The following GNG12 variants were observed in gnomAD, a reference collection of about 807,000 sequenced individuals.
GNG12 encodes guanine nucleotide-binding protein G(I)/G(S)/G(O) subunit gamma-12.
For synonymous variants in GNG12, 28 were observed against 29.7 expected (o/e 0.94, Z 0.19); for missense variants, 69 against 83.8 (o/e 0.82, Z 0.69).
rs12092815 is a variant in GNG12, at chr1:67,713,567, C to G, written c.-26-5855G>C. Among the ~76,000 whole-genome samples, 490 of 152,238 alleles carry G rather than the reference C, an allele frequency of 3.2e-3. 3 individuals are homozygous for G. The highest frequency in any genetic ancestry group is 0.011 in the African/African-American group (462 of 41,538). On this transcript the variant is annotated intron_variant, in intron 2 of 3. Coordinates refer to ENST00000370982, the MANE Select transcript of GNG12 (RefSeq NM_018841.6). ...GAAGCCCCAGGGTCTGAATCACAAG[C>G]CATTATGGCCTGGCCAGTAATTGAA... is the stretch of plus-strand genomic sequence containing the variant.
At chr1:67,723,535 T>C (rs1646368041) in intron 2 of GNG12, among the ~76,000 whole-genome samples, 1 of 152,236 alleles carries the variant, frequency 6.6e-6, no homozygotes. Context: ...CTGGTAGTTG[T>C]GAGTTTTTCA....
intron 2 of GNG12, among the ~76,000 whole-genome samples, chr1:67,759,273 G>A (rs529848068): frequency 1.3e-5 from 2 of 152,354 alleles, no homozygotes; most frequent in East Asian, 3.9e-4. Context: ...TTGGGTGGGA[G>A]GAGTGTCAAG....
chr1:67,829,737 A>G (rs973516436), intron 1 of GNG12, among the ~76,000 whole-genome samples: 1 of 152,232 alleles, frequency 6.6e-6, no homozygotes, highest in Non-Finnish European at 1.5e-5. Context: ...TAGGAGTGAA[A>G]CGAATCAATA....
rs770377785 is a variant in GNG12 at position 67,707,618 on chromosome 1, T to C, written c.69A>G (p.Leu23=). 4 of 1,599,254 alleles carry C rather than the reference T, an allele frequency of 2.5e-6. No individual in the cohort carries two copies. The highest frequency in any genetic ancestry group is 1.7e-5 in the Admixed American group (1 of 58,668). Residue 23 remains leucine (L), a synonymous_variant, in exon 3 of 4, where the codon TTA becomes TTG. Transcript: ENST00000370982. Reference sequence around the variant, plus strand: ...CCTTTATTCTTTCAATGGAGGCTTCTAATCTTAACTGCTGCACAGTTCTCC... The same window carrying C: ...CCTTTATTCTTTCAATGGAGGCTTCCAATCTTAACTGCTGCACAGTTCTCC... ...QARRTVQQLR[L]EASIERIKVS...
At chr1:67,758,873 T>C (rs1317228653) in intron 2 of GNG12, among the ~76,000 whole-genome samples, 2 of 152,056 alleles carry the variant, frequency 1.3e-5, no homozygotes, top group Non-Finnish European at 2.9e-5. Context: ...GAATGGTGGT[T>C]ACCAGAGGCT....
At chr1:67,809,370 AGG>A (rs1400516395) in intron 1 of GNG12, among the ~76,000 whole-genome samples, 1 of 152,182 alleles carries the variant, frequency 6.6e-6, no homozygotes, top group African/African-American at 2.4e-5. Flanking sequence ...TAGATGACCA[AGG>A]GTATGGCAAT....
chr1:67,810,555 C>A (rs1273699863), intron 1 of GNG12, among the ~76,000 whole-genome samples: 1 of 152,040 alleles, frequency 6.6e-6, no homozygotes, highest in African/African-American at 2.4e-5. Context: ...CTGCTGTGAA[C>A]CTAAAACTGC....
At chr1:67,759,331 T>C (rs550340458) in intron 2 of GNG12, among the ~76,000 whole-genome samples, 1 of 152,342 alleles carries the variant, frequency 6.6e-6, no homozygotes, top group African/African-American at 2.4e-5. Flanking sequence ...TGGCTAACTA[T>C]AGTCTGAGAA....
chr1:67,780,866 T>A (rs1047082536), intron 1 of GNG12, among the ~76,000 whole-genome samples: 1 of 152,200 alleles, frequency 6.6e-6, no homozygotes, highest in African/African-American at 2.4e-5. Flanking sequence ...AGCAATAGCA[T>A]ACCCAGTGTC....
intron 2 of GNG12, among the ~76,000 whole-genome samples, chr1:67,709,526 C>G (rs1646268901): frequency 6.6e-6 from 1 of 152,016 alleles, no homozygotes; most frequent in African/African-American, 2.4e-5. Context: ...GAGGATGAAG[C>G]ATGTGGCAGG....
intron 1 of GNG12, among the ~76,000 whole-genome samples, chr1:67,827,159 C>T (rs1647015679): frequency 6.6e-6 from 1 of 152,178 alleles, no homozygotes; most frequent in Admixed American, 6.5e-5. Context: ...TCAACCAGAG[C>T]TTATACTTCT....
intron 2 of GNG12, among the ~76,000 whole-genome samples, chr1:67,768,130 A>G (rs1646652420): frequency 6.6e-6 from 1 of 152,208 alleles, no homozygotes; most frequent in African/African-American, 2.4e-5. Flanking sequence ...AACAGCCACC[A>G]TTATTTGCAT....
chr1:67,710,378 A>T (rs1427938870), intron 2 of GNG12, among the ~76,000 whole-genome samples: 1 of 149,986 alleles, frequency 6.7e-6, no homozygotes, highest in East Asian at 2.0e-4. Context: ...CACCCTAAGG[A>T]CTTTCTAAAT....
intron 1 of GNG12, among the ~76,000 whole-genome samples, chr1:67,809,609 T>C (rs1202038665): frequency 6.6e-6 from 1 of 151,748 alleles, no homozygotes; most frequent in Non-Finnish European, 1.5e-5. Flanking sequence ...GATTGAAAAA[T>C]GATCAAAAGT....
chr1:67,706,321 C>T (rs1318067405), intron 3 of GNG12, among the ~76,000 whole-genome samples: 1 of 152,214 alleles, frequency 6.6e-6, no homozygotes, highest in African/African-American at 2.4e-5. Context: ...GAACGATGGG[C>T]TCGGAGCCAA....
At chr1:67,746,534 C>T (rs963804855) in intron 2 of GNG12, among the ~76,000 whole-genome samples, 7 of 151,796 alleles carry the variant, frequency 4.6e-5, no homozygotes, top group Middle Eastern at 3.2e-3. Context: ...GCTATGGGGG[C>T]GGGGGAGGTG....
chr1:67,743,266 C>G (rs1423591978), intron 2 of GNG12, among the ~76,000 whole-genome samples: 1 of 152,136 alleles, frequency 6.6e-6, no homozygotes, highest in Non-Finnish European at 1.5e-5. Flanking sequence ...ATCTCAGTGT[C>G]AAGATTTAGT....
intron 1 of GNG12, among the ~76,000 whole-genome samples, chr1:67,827,232 T>A (rs915273791): frequency 6.6e-6 from 1 of 152,182 alleles, no homozygotes; most frequent in Non-Finnish European, 1.5e-5. Flanking sequence ...AGGGGAGTGG[T>A]GGCCTACTGT....
At chr1:67,806,312 T>G (rs564746636) in intron 1 of GNG12, among the ~76,000 whole-genome samples, 2 of 152,326 alleles carry the variant, frequency 1.3e-5, no homozygotes, top group South Asian at 4.1e-4. Flanking sequence ...CAATGATATA[T>G]GTTTATGTGC....
Sources: allele counts gnomAD v4.1 joint callset (sites outside exome capture counted in the v4.1 genomes callset), GRCh38; gene constraint gnomAD v4.1.1; transcripts MANE v1.5; gene names NCBI Gene and HGNC (gene_info 2026-07-23, HGNC 2026-07-21).